HSPA8: variants seen among roughly 807,000 people sequenced by gnomAD.
HSPA8 encodes heat shock cognate 71 kDa protein.
HSPA8 carries 2 observed loss-of-function variants against 52.8 expected under a neutral mutation model. That is an observed-to-expected ratio of 0.04 (90% CI 0.02 to 0.12). The LOEUF is 0.12. Ranked by LOEUF, HSPA8 falls within the 10% of genes least tolerant of loss-of-function variation. HSPA8 has a pLI of 1.00. For missense variants in HSPA8, 349 were observed against 800.5 expected (o/e 0.44, Z 6.81); for synonymous variants, 436 against 274.0 (o/e 1.59, Z -5.84).
chr11:123,057,634 G>A lies in HSPA8; in HGVS notation c.*100C>T, dbSNP rs1485291654. Reference sequence around the variant, plus strand: ...TGAGAATGCCCAGTAACTTACTATAGCAGCTTAACTTTTTAAAACTGCCAC... The same window carrying A: ...TGAGAATGCCCAGTAACTTACTATAACAGCTTAACTTTTTAAAACTGCCAC... On this transcript the variant is annotated 3_prime_UTR_variant, in exon 9 of 9. Transcript: ENST00000534624. 5 of 862,606 alleles carry A rather than the reference G, an allele frequency of 5.8e-6. No homozygotes were observed. Among genetic ancestry groups the A allele is most frequent in the East Asian group, 2.6e-5 (1 of 39,000 alleles). The allele number at this position is 862,606 out of a possible 1,614,324, so 53.4% of individuals were successfully genotyped here. A position where few individuals can be genotyped will look rare whatever the true frequency, so the allele number is the denominator to read the frequency against.
At chr11:123,062,374 C>A (rs986483748), upstream of HSPA8, 4 of 152,422 alleles carry the variant, frequency 2.6e-5, no homozygotes, top group African/African-American at 9.6e-5. Context: ...TTCAAGCTCG[C>A]CCCCGCTCTC....
chr11:123,057,597 A>G lies in HSPA8; in HGVS notation c.*137T>C, dbSNP rs946837276. 8.2e-6 allele frequency: 5 copies of G among 611,512 alleles called. No individual in the cohort carries two copies. The African/African-American group carries it at 9.4e-5, about 11-fold the overall frequency. 37.9% of individuals were successfully genotyped at this position (611,512 alleles called of 1,614,324 possible). A position where few individuals can be genotyped will look rare whatever the true frequency, so the allele number is the denominator to read the frequency against. ...TTTCCTTCCCCTGTGCATATGTTCC[A>G]TATTCAAGTATTGAGAATGCCCAGT... On this transcript the variant is annotated 3_prime_UTR_variant, in exon 9 of 9. Coordinates refer to ENST00000534624, the MANE Select transcript of HSPA8 (RefSeq NM_006597.6).
At chr11:123,058,075 G>C in intron 8 of HSPA8, 156 bp from the exon 9 acceptor site, 1 of 722,378 alleles carries the variant, frequency 1.4e-6, no homozygotes, top group Non-Finnish European at 2.3e-6. Flanking sequence ...TAACATCTTG[G>C]GTCACTCAGA....
rs2135438950 is a variant in HSPA8 at position 123,058,257 on chromosome 11, T to C, written c.1750A>G (p.Asn584Asp). Reference protein sequence around the residue: ...CNEIINWLDKNQTAEKEEFEH... With the variant: ...CNEIINWLDKDQTAEKEEFEH... The stretch of plus-strand genomic sequence containing the variant: ...AAAAAAAAAAAAACACAAACCTGAT[T>C]CTTATCAAGCCAGTTGATAATTTCA... Residue 584 changes from asparagine (N) to aspartate (D), a missense_variant, in exon 8 of 9, where the codon AAT (asparagine) becomes GAT (aspartate). Physicochemically the swap from Asn to Asp is conservative, Grantham distance 23 (BLOSUM62 1). Coordinates refer to ENST00000534624, the MANE Select transcript of HSPA8 (RefSeq NM_006597.6). 1.3e-6 allele frequency: 2 copies of C among 1,523,688 alleles called. No individual in the cohort carries two copies. The highest frequency in any genetic ancestry group is 1.8e-6 in the Non-Finnish European group (2 of 1,100,474). The allele number at this position is 1,523,688 out of a possible 1,614,324, so 94.4% of individuals were successfully genotyped here.
At position 123,058,190 on chromosome 11, in the gene HSPA8, G is replaced by A. The variant is rs1865367912; in HGVS notation, c.1755+62C>T. On this transcript the variant is annotated intron_variant, in intron 8 of 8. Transcript: ENST00000534624. ...TACACTGAAATCCAGCTCAAGCTTG[G>A]TTTACCATCCCCTTCCCCTCCATTG... The A allele has an allele frequency of 3.7e-6, 4 of 1,068,116 alleles. No individual in the cohort carries two copies. In the Admixed American group the frequency reaches 6.1e-5, roughly 16 times the overall value. The allele number at this position is 1,068,116 out of a possible 1,614,324, so 66.2% of individuals were successfully genotyped here. A position where few individuals can be genotyped will look rare whatever the true frequency, so the allele number is the denominator to read the frequency against.
rs144785833 is a variant in HSPA8 at position 123,057,752 on chromosome 11, G to A, written c.1923C>T (p.Thr641=). The A allele has an allele frequency of 3.7e-6, 6 of 1,612,006 alleles. No individual in the cohort carries two copies. The highest frequency in any genetic ancestry group is 5.1e-6 in the Non-Finnish European group (6 of 1,179,292). The stretch of plus-strand genomic sequence containing the variant: ...GGTTGGCTTAATCAACCTCTTCAAT[G>A]GTGGGCCCTGAGGAAGCACCACCAG... ...PPSGGASSGP[T]IEEVD The change falls in exon 9 of 9, where the codon ACC becomes ACT. Residue 641 remains threonine, a synonymous_variant. Transcript: ENST00000534624.
At chr11:123,060,513 C>CGCCAGGT (rs142689137) in intron 3 of HSPA8, 80 bp downstream of exon 3, 34,107 of 1,127,444 alleles carry the variant, frequency 0.03, 1,231 homozygotes, top group South Asian at 0.12. Context: ...TCCCCTCCCT[C>CGCCAGGT]GCCAGGTGCC....
chr11:123,058,229 A>G lies in HSPA8; in HGVS notation c.1755+23T>C, dbSNP rs1330423958. The G allele has an allele frequency of 4.9e-5, 57 of 1,156,010 alleles. No individual in the cohort carries two copies. In the East Asian group the frequency reaches 2.0e-3, roughly 40 times the overall value. 71.6% of individuals were successfully genotyped at this position (1,156,010 alleles called of 1,614,324 possible). A position where few individuals can be genotyped will look rare whatever the true frequency, so the allele number is the denominator to read the frequency against. On this transcript the variant is annotated intron_variant, in intron 8 of 8. Coordinates refer to ENST00000534624, the MANE Select transcript of HSPA8 (RefSeq NM_006597.6). ...TCCCCTCCATTGAGTGGGGGAGGAAAAAAAAAAAAAAAAAACACAAACCTG... is the reference window on the plus strand; with the variant it reads ...TCCCCTCCATTGAGTGGGGGAGGAAGAAAAAAAAAAAAAAACACAAACCTG...
intron 2 of HSPA8, 34 bp downstream of exon 2, chr11:123,061,086 A>T: frequency 4.5e-6 from 7 of 1,571,238 alleles, no homozygotes; most frequent in Non-Finnish European, 6.1e-6. Context: ...TAGCCCTGTT[A>T]TATTTGTTCT....
rs745458075 is a variant in HSPA8, at chr11:123,059,645, T to G, written c.948A>C (p.Pro316=). ...TGGCATCTCGAAGGGCTTTCTCTAC[T>G]GGGTCCAGGGTGCCACGGAACAGGT... is the stretch of plus-strand genomic sequence containing the variant. ...NADLFRGTLD[P]VEKALRDAKL... The change falls in exon 5 of 9, where the codon CCA becomes CCC. Residue 316 remains proline (P), a synonymous_variant. Coordinates refer to ENST00000534624, the MANE Select transcript of HSPA8 (RefSeq NM_006597.6). The G allele has an allele frequency of 4.3e-6, 7 of 1,614,034 alleles. No homozygotes were observed. Among genetic ancestry groups the G allele is most frequent in the Non-Finnish European group, 5.1e-6 (6 of 1,180,016 alleles).
chr11:123,060,892 G>A (rs901648671), intron 2 of HSPA8, 94 bp from the exon 3 acceptor site: 12 of 1,163,110 alleles, frequency 1.0e-5, no homozygotes, highest in Admixed American at 2.0e-5. Context: ...CAGTTCATAG[G>A]TAGGTGAATT....
Position 123,060,314 on chromosome 11 carries a change from A to G in HSPA8, c.412-46T>C, listed in dbSNP as rs564211838. 111 of 1,563,608 alleles carry G rather than the reference A, an allele frequency of 7.1e-5. 2 individuals carry two copies. In the South Asian group the frequency reaches 1.1e-3, roughly 15 times the overall value. On this transcript the variant is annotated intron_variant, in intron 3 of 8. Coordinates refer to ENST00000534624, the MANE Select transcript of HSPA8 (RefSeq NM_006597.6). ...ACAGATTGGTAACTATTATACTTAC[A>G]TATATGCAAACTCCAGCAAATGGAT...
At chr11:123,061,395 G>C (rs1012327862) in intron 1 of HSPA8, 66 bp from the exon 2 acceptor site, 10 of 1,258,916 alleles carry the variant, frequency 7.9e-6, no homozygotes, top group Admixed American at 2.0e-5. Flanking sequence ...TCCCTTAACA[G>C]AACACTTAAC....
rs111774985 is a variant in HSPA8 at position 123,058,648 on chromosome 11, A to G, written c.1506T>C (p.Thr502=). The G allele has an allele frequency of 1.9e-5, 30 of 1,612,922 alleles. No individual in the cohort carries two copies. The African/African-American group carries it at 3.2e-4, about 17-fold the overall frequency. ...CCTCCTTACCCTTGTCATTAGTGAT[A>G]GTAATCTTGTTCTCTTTTCCCGTAC... ...DKSTGKENKI[T]ITNDKGRLSK... Residue 502 remains threonine, a synonymous_variant, in exon 7 of 9, where the codon ACT becomes ACC. Transcript: ENST00000534624.
Position 123,058,834 on chromosome 11 carries a change from G to T in HSPA8, c.1324-4C>A. On this transcript the variant is annotated splice_polypyrimidine_tract_variant and splice_region_variant and intron_variant, in intron 6 of 8. Coordinates refer to ENST00000534624, the MANE Select transcript of HSPA8 (RefSeq NM_006597.6). ...TGGCACGCTCGCCTTCATAAACCTTGGTAGGAAATAAAACAAATTACTACA... is the reference window on the plus strand; with the variant it reads ...TGGCACGCTCGCCTTCATAAACCTTTGTAGGAAATAAAACAAATTACTACA... 2 of 1,613,702 alleles carry T rather than the reference G, an allele frequency of 1.2e-6. No homozygotes were observed. Among genetic ancestry groups the T allele is most frequent in the Non-Finnish European group, 8.5e-7 (1 of 1,179,710 alleles).
intron 8 of HSPA8, 21 bp downstream of exon 8, chr11:123,058,226 GAAAAA>G (rs71057327): frequency 9.4e-5 from 95 of 1,013,210 alleles, no homozygotes; most frequent in Middle Eastern, 2.6e-4. Flanking sequence ...AGTGGGGGAG[GAAAAA>G]AAAAAAAAAA....
chr11:123,057,958 A>T, intron 8 of HSPA8, 39 bp from the exon 9 acceptor site: 1 of 1,481,636 alleles, frequency 6.7e-7, no homozygotes, highest in Non-Finnish European at 9.2e-7. Context: ...AGTTCTTTTA[A>T]TGTTAATAAC....
intron 8 of HSPA8, 139 bp from the exon 9 acceptor site, chr11:123,058,058 T>A: frequency 8.0e-6 from 6 of 753,336 alleles, no homozygotes; most frequent in Non-Finnish European, 1.3e-5. Context: ...AGGGCCTTAT[T>A]CTTCCTTAAC....
At chr11:123,058,026 G>A (rs1865360586) in intron 8 of HSPA8, 107 bp from the exon 9 acceptor site, 2 of 878,112 alleles carry the variant, frequency 2.3e-6, no homozygotes, top group Non-Finnish European at 3.5e-6. Context: ...TCTTACAAGA[G>A]GGCCACTACC....
Sources: gnomAD v4.1 joint callset for allele counts on GRCh38, gnomAD v4.1.1 for gene constraint, MANE v1.5 for transcripts, NCBI Gene and HGNC (gene_info 2026-07-23, HGNC 2026-07-21) for gene names.